Variants in TCF7L1 observed in about 807,000 individuals in gnomAD.
The protein encoded by TCF7L1 is transcription factor 7 like 1, also known as transcription factor 7-like 1.
A neutral mutation model predicts 63.7 loss-of-function variants in TCF7L1; 18 were observed. The observed-to-expected ratio is 0.28, with a 90% CI of 0.20 to 0.42. The LOEUF is 0.42. TCF7L1 is among the 10% of genes least tolerant of loss of function. The pLI is 1.00. For synonymous variants in TCF7L1, 355 were observed against 340.9 expected, an observed-to-expected ratio of 1.04 and a Z score of -0.46; for missense variants, 654 against 779.3, an observed-to-expected ratio of 0.84 and a Z score of 1.91.
chr2:85,234,019 A>C (rs1005511959), intron 3 of TCF7L1: 4 of 151,982 alleles, frequency 2.6e-5, no homozygotes, highest in Non-Finnish European at 5.9e-5. Context: ...TATAACTGTT[A>C]TAAATAGTCA....
At chr2:85,244,645 G>A (rs370479723) in intron 3 of TCF7L1, among the ~76,000 whole-genome samples, 64 of 152,262 alleles carry the variant, frequency 4.2e-4, no homozygotes, top group African/African-American at 1.5e-3. Context: ...TGTTGTATTG[G>A]AGATACTTTT....
intron 3 of TCF7L1, among the ~76,000 whole-genome samples, chr2:85,206,670 G>T (rs72840140): frequency 0.071 from 10,764 of 152,156 alleles, 497 homozygotes; most frequent in African/African-American, 0.13. Flanking sequence ...CAACATATTT[G>T]AGGGATCTCC....
chr2:85,297,914 G>T (rs1482758655), intron 4 of TCF7L1, among the ~76,000 whole-genome samples: 1 of 151,300 alleles, frequency 6.6e-6, no homozygotes, highest in African/African-American at 2.4e-5. Flanking sequence ...TTTTAACACT[G>T]TATTAAAATA....
chr2:85,284,892 G>A (rs369413864), intron 4 of TCF7L1, among the ~76,000 whole-genome samples: 3 of 152,248 alleles, frequency 2.0e-5, no homozygotes, highest in African/African-American at 7.2e-5. Context: ...GCTACATAGG[G>A]GATTTAAAGT....
At chr2:85,305,094 T>A (rs1265349690) in intron 7 of TCF7L1, among the ~76,000 whole-genome samples, 166 bp from the exon 8 acceptor site, 1 of 152,030 alleles carries the variant, frequency 6.6e-6, no homozygotes, top group East Asian at 1.9e-4. Flanking sequence ...ATTAAGCATC[T>A]CCCAAACCTG....
chr2:85,190,880 G>A (rs1481310402), intron 3 of TCF7L1, among the ~76,000 whole-genome samples: 1 of 152,116 alleles, frequency 6.6e-6, no homozygotes, highest in Non-Finnish European at 1.5e-5. Flanking sequence ...AATACCTGAG[G>A]CTCAGAAATA....
chr2:85,135,833 A>T (rs990921999), intron 3 of TCF7L1, among the ~76,000 whole-genome samples: 15 of 151,354 alleles, frequency 9.9e-5, no homozygotes, highest in African/African-American at 3.6e-4. Context: ...CACCCCAGGA[A>T]GTCCTGAATG....
chr2:85,144,781 TG>T (rs1239476837), intron 3 of TCF7L1, among the ~76,000 whole-genome samples: 3 of 149,790 alleles, frequency 2.0e-5, no homozygotes, highest in Admixed American at 6.7e-5. Context: ...ATGTTTAAGA[TG>T]GTTAGAAATC....
Position 85,139,422 on chromosome 2 carries a change from C to T in TCF7L1, c.441+4972C>T, listed in dbSNP as rs180748920. Among the ~76,000 whole-genome samples, 5 of 152,280 alleles carry T rather than the reference C, an allele frequency of 3.3e-5. No homozygotes were observed. In the East Asian group the frequency reaches 7.7e-4, roughly 23 times the overall value. On this transcript the variant is annotated intron_variant, in intron 3 of 11. Coordinates refer to ENST00000282111, the MANE Select transcript of TCF7L1 (RefSeq NM_031283.3). ...CATGGGAAACAAGATAAGACCCAGGCTTTGCCCTAAAGGATTTAAAAATTA... is the reference window on the plus strand; with the variant it reads ...CATGGGAAACAAGATAAGACCCAGGTTTTGCCCTAAAGGATTTAAAAATTA...
At chr2:85,281,381 C>T (rs1681419046) in intron 3 of TCF7L1, among the ~76,000 whole-genome samples, 1 of 152,268 alleles carries the variant, frequency 6.6e-6, no homozygotes, top group African/African-American at 2.4e-5. Flanking sequence ...GGTTGATGTG[C>T]AGATTACACT....
At chr2:85,274,261 C>A (rs10201483) in intron 3 of TCF7L1, among the ~76,000 whole-genome samples, 39,177 of 151,998 alleles carry the variant, frequency 0.26, 5,504 homozygotes, top group East Asian at 0.56. Flanking sequence ...ACTCAGCAGG[C>A]CCAGCGCTCC....
chr2:85,168,338 G>T (rs896295305), intron 3 of TCF7L1, among the ~76,000 whole-genome samples: 3 of 152,148 alleles, frequency 2.0e-5, no homozygotes, highest in African/African-American at 7.2e-5. Flanking sequence ...TATTAAATAT[G>T]TGCAGTTTTT....
At chr2:85,234,912 G>T (rs761428580) in intron 3 of TCF7L1, among the ~76,000 whole-genome samples, 11 of 152,152 alleles carry the variant, frequency 7.2e-5, no homozygotes, top group Non-Finnish European at 1.5e-4. Context: ...GAGGTTTGGG[G>T]ATTTAACTTG....
At chr2:85,149,889 G>A (rs529942307) in intron 3 of TCF7L1, among the ~76,000 whole-genome samples, 1 of 152,274 alleles carries the variant, frequency 6.6e-6, no homozygotes, top group Admixed American at 6.5e-5. Context: ...ACTTAAGGGG[G>A]CATAATTTGT....
chr2:85,256,375 T>A lies in TCF7L1; in HGVS notation c.442-27120T>A, dbSNP rs1401885421. 2.0e-5 allele frequency among the ~76,000 whole-genome samples: 3 copies of A among 152,204 alleles called. No homozygotes were observed. In the East Asian group the frequency reaches 5.8e-4, roughly 29 times the overall value. ...AGTTGTGTTATCCAAATCCACAGGC[T>A]CTTTCTCTGTTGGAGGATTTGGGTG... On this transcript the variant is annotated intron_variant, in intron 3 of 11. Coordinates refer to ENST00000282111, the MANE Select transcript of TCF7L1 (RefSeq NM_031283.3).
chr2:85,157,469 G>A (rs932499017), intron 3 of TCF7L1, among the ~76,000 whole-genome samples: 1 of 152,184 alleles, frequency 6.6e-6, no homozygotes, highest in African/African-American at 2.4e-5. Context: ...CTTGCCTGAG[G>A]CCATTCAGCA....
At chr2:85,242,480 T>C (rs1312537320) in intron 3 of TCF7L1, among the ~76,000 whole-genome samples, 1 of 152,258 alleles carries the variant, frequency 6.6e-6, no homozygotes. Flanking sequence ...ACAGCCGTTA[T>C]GACAGCATGA....
At chr2:85,152,375 A>G (rs1678036718) in intron 3 of TCF7L1, among the ~76,000 whole-genome samples, 2 of 151,636 alleles carry the variant, frequency 1.3e-5, no homozygotes, top group South Asian at 2.1e-4. Context: ...TAATATGCCT[A>G]TTGTAATTTT....
chr2:85,247,779 TCTGC>T (rs1680498865), intron 3 of TCF7L1, among the ~76,000 whole-genome samples: 1 of 152,242 alleles, frequency 6.6e-6, no homozygotes, highest in Admixed American at 6.5e-5. Context: ...AGTGGCTTCC[TCTGC>T]CTGCATACTT....
Sources: gnomAD v4.1 joint callset for allele counts (sites outside exome capture counted in the v4.1 genomes callset) on GRCh38, gnomAD v4.1.1 for gene constraint, MANE v1.5 for transcripts, NCBI Gene and HGNC (gene_info 2026-07-23, HGNC 2026-07-21) for gene names.